The following MDN1 variants were observed in gnomAD, a reference collection of about 807,000 sequenced individuals.
MDN1 encodes the protein midasin AAA ATPase 1.
A neutral mutation model predicts 669.2 loss-of-function variants in MDN1; 266 were observed. The observed-to-expected ratio is 0.40, with a 90% CI of 0.36 to 0.44. The LOEUF is 0.44. MDN1 is among the 20% of genes least tolerant of loss of function. The pLI is 1.00. For synonymous variants in MDN1, 2,385 were observed against 2,457.1 expected (o/e 0.97, Z 0.87); for missense variants, 5,940 against 6,754.0 (o/e 0.88, Z 4.22).
chr6:89,801,843 T>A (rs1442022523), intron 2 of MDN1, among the ~76,000 whole-genome samples: 2 of 150,106 alleles, frequency 1.3e-5, no homozygotes, highest in African/African-American at 4.9e-5. Flanking sequence ...GCATCTGTAG[T>A]CCCAGCTACT....
intron 25 of MDN1, 63 bp downstream of exon 25, chr6:89,749,480 A>C (rs1324126490): frequency 2.5e-6 from 4 of 1,595,504 alleles, no homozygotes; most frequent in Non-Finnish European, 3.4e-6. Flanking sequence ...TTTCATTCTT[A>C]CTACGAAAAA....
At chr6:89,692,345 G>T in intron 63 of MDN1, 98 bp downstream of exon 63, 2 of 1,050,400 alleles carry the variant, frequency 1.9e-6, no homozygotes, top group Non-Finnish European at 2.7e-6. Context: ...ACGACACTGT[G>T]TATCTACTAG....
rs776919305 is a variant in MDN1, at chr6:89,789,888, G to A, written c.1122C>T (p.Cys374=). The A allele has an allele frequency of 4.6e-5, 74 of 1,612,362 alleles. No individual in the cohort carries two copies. In the South Asian group the frequency reaches 6.4e-4, roughly 14 times the overall value. Reference sequence around the variant, plus strand: ...ACACAAACTCTCCAGGAACATCTGTGCAGCGATACATCCCCAAAAGCATCT... The same window carrying A: ...ACACAAACTCTCCAGGAACATCTGTACAGCGATACATCCCCAAAAGCATCT... ...DSKMLLGMYR[C]TDVPGEFVWQ... is the part of the protein sequence containing the mutation. Residue 374 remains cysteine (C), a synonymous_variant, in exon 7 of 102, where the codon TGC becomes TGT. Transcript: ENST00000369393.
At chr6:89,758,784 C>T (rs776942646) in intron 18 of MDN1, 32 bp downstream of exon 18, 1 of 1,612,438 alleles carries the variant, frequency 6.2e-7, no homozygotes, top group Non-Finnish European at 8.5e-7. Context: ...GGGCTTGACA[C>T]CAAGTCAAAT....
At chr6:89,809,446 C>T (rs1768235098) in intron 1 of MDN1, among the ~76,000 whole-genome samples, 1 of 151,932 alleles carries the variant, frequency 6.6e-6, no homozygotes, top group African/African-American at 2.4e-5. Context: ...GCCTGGGCAA[C>T]ATGGCAGAAC....
chr6:89,676,543 A>G (rs1811204052), intron 76 of MDN1, among the ~76,000 whole-genome samples: 2 of 152,188 alleles, frequency 1.3e-5, no homozygotes, highest in Admixed American at 1.3e-4. Context: ...ACAATGATGC[A>G]TGGCAGTGAC....
intron 53 of MDN1, among the ~76,000 whole-genome samples, chr6:89,703,462 C>CAA (rs1304948653): frequency 1.3e-5 from 2 of 151,762 alleles, no homozygotes; most frequent in Non-Finnish European, 2.9e-5. Context: ...TACAGGGTTG[C>CAA]AATGCAAATC....
At chr6:89,741,645 T>C (rs61523930) in intron 31 of MDN1, among the ~76,000 whole-genome samples, 81 of 152,318 alleles carry the variant, frequency 5.3e-4, no homozygotes, top group Middle Eastern at 3.4e-3. Context: ...TTTCAGACCC[T>C]GATTCTGATA....
intron 13 of MDN1, 116 bp from the exon 14 acceptor site, chr6:89,772,837 C>T: frequency 8.6e-7 from 1 of 1,164,114 alleles, no homozygotes; most frequent in Non-Finnish European, 1.2e-6. Context: ...CTCACAGTAA[C>T]TGTCTTCAAG....
At position 89,751,547 on chromosome 6, in the gene MDN1, C is replaced by G; in HGVS notation, c.3111G>C (p.Gln1037His). 6.2e-7 allele frequency: 1 copy of G among 1,614,130 alleles called. No homozygotes were observed. The highest frequency in any genetic ancestry group is 8.5e-7 in the Non-Finnish European group (1 of 1,180,014). The stretch of plus-strand genomic sequence containing the variant: ...CCACCGCAATCCAGTAGCCTTCAAC[C>G]TGGATAAGCCGACCTCCTTTTGGCT... ...IPEPKGGRLI[Q>H]VEGYWIAVGD... The change falls in exon 23 of 102, where the codon CAG becomes CAC. Residue 1037 changes from glutamine to histidine, a missense_variant. Coordinates refer to ENST00000369393, the MANE Select transcript of MDN1 (RefSeq NM_014611.3).
intron 22 of MDN1, among the ~76,000 whole-genome samples, chr6:89,752,265 G>A (rs754420780): frequency 1.3e-5 from 2 of 152,086 alleles, no homozygotes; most frequent in African/African-American, 2.4e-5. Flanking sequence ...GGGAGGGGAG[G>A]AAGGATCTTT....
intron 53 of MDN1, 46 bp from the exon 54 acceptor site, chr6:89,702,107 A>C: frequency 6.5e-7 from 1 of 1,539,078 alleles, no homozygotes; most frequent in South Asian, 1.2e-5. Flanking sequence ...GAAAGACTAA[A>C]GCAAGAAGAA....
chr6:89,741,652 G>C (rs1359463092), intron 31 of MDN1, among the ~76,000 whole-genome samples: 1 of 152,086 alleles, frequency 6.6e-6, no homozygotes, highest in African/African-American at 2.4e-5. Flanking sequence ...CCCTGATTCT[G>C]ATAAAACGGC....
At chr6:89,720,877 G>A (rs1814772058) in intron 40 of MDN1, among the ~76,000 whole-genome samples, 1 of 152,186 alleles carries the variant, frequency 6.6e-6, no homozygotes, top group African/African-American at 2.4e-5. Flanking sequence ...CACTCCATTT[G>A]TAATCACAGC....
At chr6:89,725,071 G>A (rs1276703554) in intron 38 of MDN1, 128 bp downstream of exon 38, 8 of 830,604 alleles carry the variant, frequency 9.6e-6, no homozygotes, top group Admixed American at 2.4e-5. Context: ...GATCATATAA[G>A]GACAAGAAAG....
At position 89,674,478 on chromosome 6, in the gene MDN1, C is replaced by G. The variant is rs1450556331; in HGVS notation, c.12873G>C (p.Gln4291His). 1 of 1,613,274 alleles carries G rather than the reference C, an allele frequency of 6.2e-7. No homozygotes were observed. Among genetic ancestry groups the G allele is most frequent in the South Asian group, 1.1e-5 (1 of 91,068 alleles). The change falls in exon 79 of 102, where the codon CAG (glutamine) becomes CAC (histidine). Residue 4291 changes from glutamine to histidine, a missense_variant. This residue lies in a region of MDN1 where 2,280 missense variants were observed against 2,576.3 expected (regional missense o/e 0.88). Transcript: ENST00000369393. Reference sequence around the variant, plus strand: ...GGATCTGGCACTGCATGGCCAGGTGCTGCAGGCGCTCTGTCCACTGCTGCA... The same window carrying G: ...GGATCTGGCACTGCATGGCCAGGTGGTGCAGGCGCTCTGTCCACTGCTGCA... Reference protein sequence around the residue: ...DGVQQWTERLQHLAMQCQILL... With the variant: ...DGVQQWTERLHHLAMQCQILL...
At chr6:89,686,064 A>G in intron 69 of MDN1, 91 bp from the exon 70 acceptor site, 2 of 1,286,554 alleles carry the variant, frequency 1.6e-6, no homozygotes, top group Non-Finnish European at 2.1e-6. Flanking sequence ...GATACTACGG[A>G]TGGCCAAGAG....
At chr6:89,734,716 A>AGAG (rs1562158027) in intron 33 of MDN1, among the ~76,000 whole-genome samples, 1 of 146,770 alleles carries the variant, frequency 6.8e-6, no homozygotes, top group Non-Finnish European at 1.5e-5. Flanking sequence ...AGAGAGAGAG[A>AGAG]ACTCCCTGAT....
intron 60 of MDN1, 99 bp downstream of exon 60, chr6:89,696,261 G>C (rs1812729829): frequency 1.5e-6 from 2 of 1,297,158 alleles, no homozygotes; most frequent in African/African-American, 2.9e-5. Context: ...TCAAACACCA[G>C]AACTAGCCAC....
Sources: gnomAD v4.1 joint callset for allele counts (sites outside exome capture counted in the v4.1 genomes callset) on GRCh38, gnomAD v4.1.1 for gene constraint, gnomAD v4.1.1 regional missense constraint, MANE v1.5 for transcripts, NCBI Gene and HGNC (gene_info 2026-07-23, HGNC 2026-07-21) for gene names.